Variants in ZFC3H1 observed in about 807,000 individuals in gnomAD.
ZFC3H1 encodes the protein zinc finger C3H1 domain-containing protein.
Under a neutral mutation model 243.7 loss-of-function variants are expected in ZFC3H1, and 71 were observed. The ratio of observed to expected loss-of-function variants is 0.29; its 90% CI spans 0.24 to 0.36. The LOEUF (loss-of-function observed/expected upper bound fraction) is 0.36. ZFC3H1 is among the 10% of genes least tolerant of loss of function. The pLI is 1.00. For synonymous variants in ZFC3H1, 838 were observed against 813.0 expected (o/e 1.03, Z -0.52); for missense variants, 1,966 against 2,317.1 (o/e 0.85, Z 3.11).
intron 2 of ZFC3H1, among the ~76,000 whole-genome samples, chr12:71,655,939 T>C (rs1005584174): frequency 6.6e-6 from 1 of 152,118 alleles, no homozygotes; most frequent in African/African-American, 2.4e-5. Context: ...ATGGATGAAC[T>C]ACAGTATGAT....
intron 1 of ZFC3H1, among the ~76,000 whole-genome samples, chr12:71,661,117 C>T (rs1881161384): frequency 6.6e-6 from 1 of 151,908 alleles, no homozygotes; most frequent in South Asian, 2.1e-4. Flanking sequence ...TCCTGGCTAA[C>T]ATGATGAAAC....
chr12:71,629,096 G>C, intron 19 of ZFC3H1, 59 bp from the exon 20 acceptor site: 7 of 1,364,498 alleles, frequency 5.1e-6, no homozygotes, highest in Non-Finnish European at 6.9e-6. Context: ...TTAACATTTT[G>C]AAGGATACTC....
At position 71,626,450 on chromosome 12, in the gene ZFC3H1, T is replaced by C. The variant is rs762020541; in HGVS notation, c.4131-4A>G. 29 of 1,592,892 alleles carry C rather than the reference T, an allele frequency of 1.8e-5. No homozygotes were observed. The African/African-American group carries it at 1.9e-4, about 10-fold the overall frequency. Reference sequence around the variant, plus strand: ...ATCCAAGGATTCTGAGCACTCCCTGTATATATAAAAGAAAAGGTGGAAGTG... The same window carrying C: ...ATCCAAGGATTCTGAGCACTCCCTGCATATATAAAAGAAAAGGTGGAAGTG... On this transcript the variant is annotated splice_region_variant and splice_polypyrimidine_tract_variant and intron_variant, in intron 21 of 34. Coordinates refer to ENST00000378743, the MANE Select transcript of ZFC3H1 (RefSeq NM_144982.5).
intron 5 of ZFC3H1, among the ~76,000 whole-genome samples, chr12:71,643,112 G>A (rs990866029): frequency 2.6e-5 from 4 of 152,098 alleles, no homozygotes; most frequent in Admixed American, 2.0e-4. Flanking sequence ...AAAACCTCTC[G>A]AGAAGGAGGT....
chr12:71,662,991 C>T (rs781272704), intron 1 of ZFC3H1, 22 bp downstream of exon 1: 8 of 1,568,548 alleles, frequency 5.1e-6, no homozygotes, highest in African/African-American at 1.4e-5. Flanking sequence ...ACACCCAGCG[C>T]CGACCGCCAC....
intron 30 of ZFC3H1, among the ~76,000 whole-genome samples, chr12:71,614,103 T>A (rs1473449501): frequency 6.6e-6 from 1 of 152,132 alleles, no homozygotes; most frequent in East Asian, 1.9e-4. Context: ...TATATTTGCT[T>A]GACAAAATAT....
chr12:71,642,362 G>A, intron 6 of ZFC3H1, 74 bp downstream of exon 6: 2 of 1,479,088 alleles, frequency 1.4e-6, no homozygotes, highest in Admixed American at 4.2e-5. Context: ...TTCTTTAAAG[G>A]TTTTGAGTAC....
At chr12:71,615,354 C>T (rs1565802201) in intron 27 of ZFC3H1, 38 bp from the exon 28 acceptor site, 1 of 1,307,738 alleles carries the variant, frequency 7.6e-7, no homozygotes, top group Non-Finnish European at 1.1e-6. Flanking sequence ...TAAATTACAC[C>T]TACCCACACA....
At chr12:71,632,747 T>A (rs757172696) in intron 14 of ZFC3H1, 139 bp downstream of exon 14, 30 of 1,338,360 alleles carry the variant, frequency 2.2e-5, no homozygotes, top group Non-Finnish European at 3.0e-5. Context: ...AAAATGTGGA[T>A]GTCATTTAAA....
In ZFC3H1 at chr12:71,652,340, C is replaced by T. The variant is rs369646432; in HGVS notation, c.1016-4527G>A. Among the ~76,000 whole-genome samples the T allele has an allele frequency of 4.6e-5, 7 of 152,278 alleles. No homozygotes were observed. In the East Asian group the frequency reaches 7.7e-4, roughly 17 times the overall value. ...TAAAAATATTTAATAGCCCACCCAA[C>T]GTTTAAAAGACAAAATTCAAATTCT... On this transcript the variant is annotated intron_variant, in intron 2 of 34. Transcript: ENST00000378743.
chr12:71,638,196 C>T (rs890093274), intron 7 of ZFC3H1, among the ~76,000 whole-genome samples: 1 of 152,008 alleles, frequency 6.6e-6, no homozygotes, highest in Non-Finnish European at 1.5e-5. Flanking sequence ...ATGATAGGTA[C>T]CGAAAAGTCA....
chr12:71,631,795 T>C lies in ZFC3H1; in HGVS notation c.3453A>G (p.Leu1151=), dbSNP rs921301126. ...CPFRPYHSPL[L]VFKSYRFSPY... ...TTTTATACCTGTAGGACTTAAAAAC[T>C]AGAAGAGGACTATGGTAGGGTCTAA... Residue 1151 remains leucine, a synonymous_variant, in exon 16 of 35, where the codon CTA becomes CTG. Coordinates refer to ENST00000378743, the MANE Select transcript of ZFC3H1 (RefSeq NM_144982.5). The C allele has an allele frequency of 1.2e-6, 2 of 1,608,912 alleles. No individual in the cohort carries two copies. Among genetic ancestry groups the C allele is most frequent in the African/African-American group, 2.7e-5 (2 of 74,594 alleles).
At chr12:71,628,788 TG>T in intron 20 of ZFC3H1, 129 bp downstream of exon 20, 2 of 867,778 alleles carry the variant, frequency 2.3e-6, no homozygotes, top group Non-Finnish European at 3.3e-6. Context: ...AAAAACCCAA[TG>T]GCATCGTTTT....
chr12:71,611,918 G>T, intron 31 of ZFC3H1, 31 bp from the exon 32 acceptor site: 1 of 1,444,616 alleles, frequency 6.9e-7, no homozygotes. Context: ...AATGAACAAA[G>T]CATTGCAAGT....
In ZFC3H1 at chr12:71,653,649, A is replaced by C. The variant is rs188728483; in HGVS notation, c.1015+3236T>G. 7.8e-3 allele frequency among the ~76,000 whole-genome samples: 1,181 copies of C among 152,374 alleles called. 50 individuals are homozygous for C. Among genetic ancestry groups the C allele is most frequent in the Admixed American group, 0.07 (1,077 of 15,300 alleles). On this transcript the variant is annotated intron_variant, in intron 2 of 34. Coordinates refer to ENST00000378743, the MANE Select transcript of ZFC3H1 (RefSeq NM_144982.5). ...AACCAAAGAAAAAAGATTATCTTCA[A>C]ATTGGAAACCATTAAGACTGATAGA... is the stretch of plus-strand genomic sequence containing the variant.
At position 71,629,947 on chromosome 12, in the gene ZFC3H1, T is replaced by A. The variant is rs1280595; in HGVS notation, c.3725-237A>T. ...AAAAAAAGTAGTTCCTAAAATGAAC[T>A]AAGTAATTAAGTTAAAGTCCCAAAT... On this transcript the variant is annotated intron_variant, in intron 18 of 34. Coordinates refer to ENST00000378743, the MANE Select transcript of ZFC3H1 (RefSeq NM_144982.5). Among the ~76,000 whole-genome samples, 80,948 of 151,554 alleles carry A rather than the reference T, an allele frequency of 0.53. 25,283 individuals are homozygous for A. The highest frequency in any genetic ancestry group is 0.74 in the Middle Eastern group (217 of 294).
chr12:71,634,300 C>G lies in ZFC3H1; in HGVS notation c.2365G>C (p.Glu789Gln). 6.2e-7 allele frequency: 1 copy of G among 1,612,106 alleles called. No individual in the cohort carries two copies. The highest frequency in any genetic ancestry group is 8.5e-7 in the Non-Finnish European group (1 of 1,179,384). ...TCTGATTTAATCAAACGCTGTTTCTCACGGCTAAAATTATCAAAAAGGATA... is the reference window on the plus strand; with the variant it reads ...TCTGATTTAATCAAACGCTGTTTCTGACGGCTAAAATTATCAAAAAGGATA... ...RLLKEEIANR[E>Q]KQRLIKSDQL... The change falls in exon 12 of 35, where the codon GAG (glutamate) becomes CAG (glutamine). Residue 789 changes from glutamate (E) to glutamine (Q), a missense_variant. Glu to Gln is a conservative substitution (Grantham distance 29). Coordinates refer to ENST00000378743, the MANE Select transcript of ZFC3H1 (RefSeq NM_144982.5).
intron 5 of ZFC3H1, 65 bp from the exon 6 acceptor site, chr12:71,642,624 A>G: frequency 6.6e-7 from 1 of 1,526,630 alleles, no homozygotes; most frequent in Non-Finnish European, 8.8e-7. Context: ...TCACAAAAGA[A>G]CTGATAGTTA....
chr12:71,634,106 A>G, intron 12 of ZFC3H1, 49 bp downstream of exon 12: 2 of 1,555,028 alleles, frequency 1.3e-6, no homozygotes, highest in Non-Finnish European at 1.7e-6. Flanking sequence ...ACAAAAATGT[A>G]TTTCTCTACC....
Sources: gnomAD v4.1 joint callset for allele counts (sites outside exome capture counted in the v4.1 genomes callset) on GRCh38, gnomAD v4.1.1 for gene constraint, MANE v1.5 for transcripts, NCBI Gene and HGNC (gene_info 2026-07-23, HGNC 2026-07-21) for gene names.